RABEPK: variants seen among roughly 807,000 people sequenced by gnomAD.
RABEPK encodes the protein 40 kDa Rab9 effector protein.
A neutral mutation model predicts 34.1 loss-of-function variants in RABEPK; 27 were observed. The ratio of observed to expected loss-of-function variants is 0.79; its 90% CI spans 0.58 to 1.09. The LOEUF is 1.09. Among genes scored for constraint, RABEPK ranks in the 50% least tolerant of loss-of-function variants. The pLI is 0.00. For synonymous variants in RABEPK, 172 were observed against 169.2 expected, an observed-to-expected ratio of 1.02 and a Z score of -0.13; for missense variants, 449 against 462.6, an observed-to-expected ratio of 0.97 and a Z score of 0.27.
chr9:125,234,039 G>T lies in RABEPK; in HGVS notation c.*59G>T. 1 of 1,430,638 alleles carries T rather than the reference G, an allele frequency of 7.0e-7. No individual in the cohort carries two copies. Among genetic ancestry groups the T allele is most frequent in the Non-Finnish European group, 9.6e-7 (1 of 1,041,090 alleles). The allele number at this position is 1,430,638 out of a possible 1,614,324, so 88.6% of individuals were successfully genotyped here. A position where few individuals can be genotyped will look rare whatever the true frequency, so the allele number is the denominator to read the frequency against. On this transcript the variant is annotated 3_prime_UTR_variant, in exon 8 of 8. Transcript: ENST00000373538. ...TTCAGAATAGTTAAGTAAAACATTA[G>T]CTGTTTTATACCTCCAAAATATCTT...
At chr9:125,227,659 G>A (rs529836624) in intron 5 of RABEPK, among the ~76,000 whole-genome samples, 17 of 151,526 alleles carry the variant, frequency 1.1e-4, no homozygotes, top group African/African-American at 4.1e-4. Flanking sequence ...TCGAACTCCT[G>A]ACCTCAGGTG....
intron 3 of RABEPK, among the ~76,000 whole-genome samples, chr9:125,212,375 G>A (rs746991675): frequency 6.6e-6 from 1 of 151,666 alleles, no homozygotes; most frequent in South Asian, 2.1e-4. Flanking sequence ...GCCTGCCATC[G>A]CGCCCAGCTA....
intron 2 of RABEPK, among the ~76,000 whole-genome samples, chr9:125,204,109 C>T (rs113432742): frequency 0.016 from 2,417 of 146,708 alleles, 81 homozygotes; most frequent in African/African-American, 0.058. Context: ...CCGAGGTGGG[C>T]GGATCACGAG....
chr9:125,227,682 C>T (rs866967286), intron 5 of RABEPK, among the ~76,000 whole-genome samples: 1 of 151,678 alleles, frequency 6.6e-6, no homozygotes, highest in Non-Finnish European at 1.5e-5. Context: ...CCACCTGTCT[C>T]GGCCTCCCAA....
In RABEPK at chr9:125,213,537, G is replaced by A. The variant is rs1470616713; in HGVS notation, c.364+15G>A. 6.2e-7 allele frequency: 1 copy of A among 1,609,402 alleles called. No homozygotes were observed. Among genetic ancestry groups the A allele is most frequent in the African/African-American group, 1.3e-5 (1 of 74,786 alleles). On this transcript the variant is annotated intron_variant, in intron 4 of 7. Coordinates refer to ENST00000373538, the MANE Select transcript of RABEPK (RefSeq NM_005833.4). ...CCTGAATCCTGGTAAGTAGCCAAAGGTTATTTTATTTACGTACATACAAAT... is the reference window on the plus strand; with the variant it reads ...CCTGAATCCTGGTAAGTAGCCAAAGATTATTTTATTTACGTACATACAAAT...
Position 125,206,048 on chromosome 9 carries a change from T to C in RABEPK, c.54-1516T>C, listed in dbSNP as rs1830206343. Among the ~76,000 whole-genome samples, 3 of 151,892 alleles carry C rather than the reference T, an allele frequency of 2.0e-5. No individual in the cohort carries two copies. In the South Asian group the frequency reaches 6.2e-4, roughly 32 times the overall value. On this transcript the variant is annotated intron_variant, in intron 2 of 7. Coordinates refer to ENST00000373538, the MANE Select transcript of RABEPK (RefSeq NM_005833.4). ...GTGAGTGCAGAACCAAAGGAAGGGA[T>C]GTGGGAAAGCCTGGCTGGGAGAAAG...
At chr9:125,209,375 C>T (rs1027843126) in intron 3 of RABEPK, among the ~76,000 whole-genome samples, 3 of 148,694 alleles carry the variant, frequency 2.0e-5, no homozygotes, top group African/African-American at 5.0e-5. Context: ...TTTGAGGCAG[C>T]GTGTCGCTCT....
chr9:125,200,543 G>A lies in RABEPK; in HGVS notation c.-370G>A. On this transcript the variant is annotated 5_prime_UTR_variant, in exon 1 of 8. Transcript: ENST00000373538. Reference sequence around the variant, plus strand: ...ACCTAAGCCCCGCCCCTCCGGGGTGGAGTCACGGCTCGCGACTGGCCTAAG... The same window carrying A: ...ACCTAAGCCCCGCCCCTCCGGGGTGAAGTCACGGCTCGCGACTGGCCTAAG... 2.6e-6 allele frequency: 1 copy of A among 380,542 alleles called. No homozygotes were observed. Among genetic ancestry groups the A allele is most frequent in the Non-Finnish European group, 5.5e-6 (1 of 183,410 alleles). The allele number at this position is 380,542 out of a possible 1,614,324, so 23.6% of individuals were successfully genotyped here. A position where few individuals can be genotyped will look rare whatever the true frequency, so the allele number is the denominator to read the frequency against.
intron 1 of RABEPK, among the ~76,000 whole-genome samples, 174 bp downstream of exon 1, chr9:125,201,080 TA>T (rs1191718937): frequency 5.9e-5 from 9 of 152,182 alleles, no homozygotes; most frequent in Non-Finnish European, 1.3e-4. Context: ...CTAGAAGCCT[TA>T]AATAGATAAA....
At chr9:125,220,935 G>T in intron 5 of RABEPK, 1 of 460,520 alleles carries the variant, frequency 2.2e-6, no homozygotes, top group South Asian at 5.1e-5. Flanking sequence ...GGAAGGCTGA[G>T]GCAGGTGGAC....
chr9:125,214,121 C>CA (rs906400070), intron 4 of RABEPK, among the ~76,000 whole-genome samples: 13 of 120,150 alleles, frequency 1.1e-4, no homozygotes, highest in South Asian at 5.4e-4. Flanking sequence ...GACTCTGTCT[C>CA]AAAAAAAAAA....
At chr9:125,201,700 G>A (rs1258680581) in intron 1 of RABEPK, among the ~76,000 whole-genome samples, 5 of 151,890 alleles carry the variant, frequency 3.3e-5, no homozygotes, top group African/African-American at 1.2e-4. Context: ...TGCAACCTCC[G>A]CCTCTTGGGT....
chr9:125,222,542 G>A (rs1049608506), intron 5 of RABEPK, among the ~76,000 whole-genome samples: 5 of 151,526 alleles, frequency 3.3e-5, no homozygotes, highest in African/African-American at 7.3e-5. Context: ...GTGAAACCTC[G>A]TTGCTACTAA....
intron 3 of RABEPK, among the ~76,000 whole-genome samples, chr9:125,212,319 A>G (rs918443883): frequency 6.6e-6 from 1 of 152,144 alleles, no homozygotes; most frequent in South Asian, 2.1e-4. Context: ...TCCCGGGTTA[A>G]TGCCATTCTC....
chr9:125,203,001 T>C lies in RABEPK; in HGVS notation c.-6-7T>C, dbSNP rs769708005. The C allele has an allele frequency of 1.9e-6, 3 of 1,613,234 alleles. No individual in the cohort carries two copies. The highest frequency in any genetic ancestry group is 1.7e-5 in the Admixed American group (1 of 59,976). Reference sequence around the variant, plus strand: ...GTCTAAAAAGTGCCTTTCTTTCTTATGCATAGGACACCATGAAGCAACTGC... The same window carrying C: ...GTCTAAAAAGTGCCTTTCTTTCTTACGCATAGGACACCATGAAGCAACTGC... On this transcript the variant is annotated splice_region_variant and splice_polypyrimidine_tract_variant and intron_variant, in intron 1 of 7. Coordinates refer to ENST00000373538, the MANE Select transcript of RABEPK (RefSeq NM_005833.4).
intron 6 of RABEPK, among the ~76,000 whole-genome samples, chr9:125,232,085 G>T (rs1018118329): frequency 6.6e-6 from 1 of 151,676 alleles, no homozygotes; most frequent in Non-Finnish European, 1.5e-5. Context: ...TTTTAGTAGA[G>T]ACGGGGTTTC....
intron 4 of RABEPK, among the ~76,000 whole-genome samples, chr9:125,213,843 G>A (rs934470347): frequency 4.6e-5 from 7 of 152,168 alleles, no homozygotes; most frequent in Non-Finnish European, 8.8e-5. Flanking sequence ...ACAAGAGGCC[G>A]GGCATGGTGG....
chr9:125,206,865 G>A (rs918161971), intron 2 of RABEPK, among the ~76,000 whole-genome samples: 30 of 152,118 alleles, frequency 2.0e-4, no homozygotes, highest in Admixed American at 2.0e-3. Flanking sequence ...CGAGGCGGGC[G>A]GATCACCTGA....
intron 3 of RABEPK, among the ~76,000 whole-genome samples, chr9:125,212,188 A>C (rs983247794): frequency 1.3e-5 from 2 of 152,146 alleles, no homozygotes; most frequent in Non-Finnish European, 2.9e-5. Context: ...TTGGTTAACC[A>C]AGTAAAATAA....
Sources: allele counts gnomAD v4.1 joint callset (sites outside exome capture counted in the v4.1 genomes callset), GRCh38; gene constraint gnomAD v4.1.1; transcripts MANE v1.5; gene names NCBI Gene and HGNC (gene_info 2026-07-23, HGNC 2026-07-21).